Variants in CYP19A1 observed in about 807,000 individuals in gnomAD.
The protein encoded by CYP19A1 is cytochrome P450 family 19 subfamily A member 1, also known as aromatase.
CYP19A1 carries 32 observed loss-of-function variants against 44.4 expected under a neutral mutation model. The ratio of observed to expected loss-of-function variants is 0.72; its 90% CI spans 0.54 to 0.97. The LOEUF is 0.97. Among genes scored for constraint, CYP19A1 ranks in the 50% least tolerant of loss-of-function variants. CYP19A1 has a pLI of 0.00. For synonymous variants in CYP19A1, 212 were observed against 215.6 expected, an observed-to-expected ratio of 0.98 and a Z score of 0.14; for missense variants, 598 against 637.8, an observed-to-expected ratio of 0.94 and a Z score of 0.67.
chr15:51,222,116 G>A, intron 5 of CYP19A1: 1 of 675,134 alleles, frequency 1.5e-6, no homozygotes, highest in Non-Finnish European at 2.4e-6. Flanking sequence ...ATTTCCTAGA[G>A]TAATGAGGAA....
At chr15:51,335,701 G>A (rs1345298408) in intron 1 of CYP19A1, among the ~76,000 whole-genome samples, 1 of 152,164 alleles carries the variant, frequency 6.6e-6, no homozygotes, top group African/African-American at 2.4e-5. Flanking sequence ...TGCAAGTCTT[G>A]GCAGTAAAAG....
intron 1 of CYP19A1, among the ~76,000 whole-genome samples, chr15:51,281,640 C>T (rs539621860): frequency 9.2e-5 from 14 of 152,290 alleles, no homozygotes; most frequent in African/African-American, 3.4e-4. Context: ...GTTGGCCCCC[C>T]TCTCAGGGGA....
At chr15:51,295,349 A>C (rs2035971899) in intron 1 of CYP19A1, among the ~76,000 whole-genome samples, 1 of 152,088 alleles carries the variant, frequency 6.6e-6, no homozygotes, top group Non-Finnish European at 1.5e-5. Context: ...CTCTTCTCTC[A>C]GTTTCCTTAG....
At chr15:51,336,333 A>G (rs2036774128) in intron 1 of CYP19A1, among the ~76,000 whole-genome samples, 1 of 152,238 alleles carries the variant, frequency 6.6e-6, no homozygotes, top group Admixed American at 6.5e-5. Flanking sequence ...TTTGCTGAGT[A>G]AATGAATACA....
intron 2 of CYP19A1, 105 bp from the exon 3 acceptor site, chr15:51,237,114 A>G (rs1349108425): frequency 1.6e-6 from 2 of 1,237,470 alleles, no homozygotes; most frequent in African/African-American, 1.5e-5. Flanking sequence ...TGTTCTTTAC[A>G]TGTGATGTAT....
chr15:51,272,409 C>T (rs1020044391), intron 1 of CYP19A1, among the ~76,000 whole-genome samples: 3 of 152,178 alleles, frequency 2.0e-5, no homozygotes, highest in African/African-American at 2.4e-5. Flanking sequence ...CCAGGTACAT[C>T]GTTTGAGTGC....
intron 1 of CYP19A1, among the ~76,000 whole-genome samples, chr15:51,270,783 C>T (rs910171527): frequency 1.3e-5 from 2 of 152,178 alleles, no homozygotes; most frequent in African/African-American, 4.8e-5. Context: ...CCACCGCAAG[C>T]TGACTATCCC....
intron 1 of CYP19A1, among the ~76,000 whole-genome samples, chr15:51,272,154 A>G (rs1026170489): frequency 6.6e-6 from 1 of 152,180 alleles, no homozygotes; most frequent in East Asian, 1.9e-4. Flanking sequence ...CTTTCTGTCC[A>G]TCTTCGATTT....
intron 4 of CYP19A1, among the ~76,000 whole-genome samples, chr15:51,222,855 C>A (rs2032232189): frequency 6.6e-6 from 1 of 152,124 alleles, no homozygotes; most frequent in African/African-American, 2.4e-5. Flanking sequence ...GGTCATAAAT[C>A]ACAAATCAGT....
intron 5 of CYP19A1, among the ~76,000 whole-genome samples, chr15:51,220,816 A>C (rs2032004837): frequency 6.6e-6 from 1 of 152,116 alleles, no homozygotes; most frequent in South Asian, 2.1e-4. Flanking sequence ...TTTTTTGAAC[A>C]CTAGGTCTTG....
intron 1 of CYP19A1, among the ~76,000 whole-genome samples, chr15:51,271,271 T>C (rs1457599990): frequency 6.6e-6 from 1 of 152,188 alleles, no homozygotes. Context: ...TTCAAGCACC[T>C]GTGGGAGCAA....
intron 1 of CYP19A1, among the ~76,000 whole-genome samples, chr15:51,328,550 GTGTGTGT>G (rs2036649959): frequency 2.8e-5 from 1 of 36,192 alleles, no homozygotes; most frequent in East Asian, 8.4e-4. Flanking sequence ...GGGCAGGGGT[GTGTGTGT>G]GTGTGTGTGT....
intron 4 of CYP19A1, among the ~76,000 whole-genome samples, chr15:51,224,820 C>T (rs1242663762): frequency 6.6e-6 from 1 of 152,220 alleles, no homozygotes; most frequent in African/African-American, 2.4e-5. Context: ...GCCCTGCCCT[C>T]CCCTTGGCCA....
At chr15:51,213,209 G>C (rs1000624005) in intron 8 of CYP19A1, among the ~76,000 whole-genome samples, 1 of 152,320 alleles carries the variant, frequency 6.6e-6, no homozygotes, top group Non-Finnish European at 1.5e-5. Context: ...ACCTGCAGTA[G>C]AGTGACAAGG....
chr15:51,234,835 T>A (rs2033282422), intron 3 of CYP19A1, among the ~76,000 whole-genome samples: 1 of 152,104 alleles, frequency 6.6e-6, no homozygotes, highest in Admixed American at 6.5e-5. Context: ...GCCTGGGCAG[T>A]GGGGCTTTGA....
At chr15:51,260,743 C>T (rs191239064) in intron 1 of CYP19A1, among the ~76,000 whole-genome samples, 1 of 152,268 alleles carries the variant, frequency 6.6e-6, no homozygotes, top group East Asian at 1.9e-4. Flanking sequence ...ACAAATTGGG[C>T]TAAAAGCAGG....
intron 8 of CYP19A1, among the ~76,000 whole-genome samples, chr15:51,214,055 T>A (rs943680944): frequency 2.0e-5 from 3 of 152,234 alleles, no homozygotes; most frequent in Non-Finnish European, 4.4e-5. Flanking sequence ...GATGAAATTT[T>A]CCCTTACGTT....
At chr15:51,333,506 T>C (rs12101686) in intron 1 of CYP19A1, among the ~76,000 whole-genome samples, 32,100 of 152,172 alleles carry the variant, frequency 0.21, 4,779 homozygotes, top group African/African-American at 0.42. Context: ...TGTTTACTCA[T>C]ACAGCTTTAA....
chr15:51,303,553 G>GT lies in CYP19A1; in HGVS notation c.-39+34941dup, dbSNP rs57036890. ...GATGCCAAGTAGGAGATGTAGGTGG[G>GT]TTTTTTTTTTTTAGGCAGAGCTTCT... On this transcript the variant is annotated intron_variant, in intron 1 of 9. Coordinates refer to ENST00000396402, the MANE Select transcript of CYP19A1 (RefSeq NM_000103.4). Among the ~76,000 whole-genome samples the GT allele has an allele frequency of 7.0e-3, 1,020 of 145,262 alleles. 11 individuals are homozygous for GT. Among genetic ancestry groups the GT allele is most frequent in the African/African-American group, 0.02 (810 of 40,110 alleles).
Sources: gnomAD v4.1 joint callset for allele counts (sites outside exome capture counted in the v4.1 genomes callset) on GRCh38, gnomAD v4.1.1 for gene constraint, MANE v1.5 for transcripts, NCBI Gene and HGNC (gene_info 2026-07-23, HGNC 2026-07-21) for gene names.